BUB1B: variants seen among roughly 807,000 people sequenced by gnomAD.
The protein encoded by BUB1B is mitotic checkpoint serine/threonine-protein kinase BUB1 beta.
A neutral mutation model predicts 137.7 loss-of-function variants in BUB1B; 86 were observed. The ratio of observed to expected loss-of-function variants is 0.62; its 90% confidence interval spans 0.52 to 0.75. The LOEUF (loss-of-function observed/expected upper bound fraction) is 0.75, where lower values mean the gene tolerates loss of function less well. Among genes scored for constraint, BUB1B ranks in the 30% least tolerant of loss-of-function variants. The pLI, the probability that BUB1B is intolerant of heterozygous loss-of-function variation, is 0.00. For missense variants in BUB1B, 1,130 were observed against 1,236.9 expected (o/e 0.91, Z 1.30); for synonymous variants, 420 against 417.9 (o/e 1.00, Z -0.06).
rs1326332876 is a variant in BUB1B, at chr15:40,176,692, T to A, written c.581+19T>A. 6.2e-7 allele frequency: 1 copy of A among 1,609,574 alleles called. No homozygotes were observed. The highest frequency in any genetic ancestry group is 2.2e-5 in the East Asian group (1 of 44,834). On this transcript the variant is annotated intron_variant, in intron 5 of 22. Coordinates refer to ENST00000287598, the MANE Select transcript of BUB1B (RefSeq NM_001211.6). ...AGCACCGGTAAACTTTCTTTGGAGC[T>A]TGTCTTAACTCTAAAAATAATAGAA...
chr15:40,162,990 G>A (rs1487820574), intron 1 of BUB1B, among the ~76,000 whole-genome samples: 6 of 152,132 alleles, frequency 3.9e-5, no homozygotes, highest in Admixed American at 2.6e-4. Context: ...TCAATTCATT[G>A]CGGGGCTGCT....
rs899991548 is a variant in BUB1B at position 40,205,251 on chromosome 15, AT to A, written c.1735-923del. ...CGTGAGCCACTGCACCCGGCCTATA[AT>A]TTTTTTTTTAACTATACTTTGTTTC... On this transcript the variant is annotated intron_variant, in intron 14 of 22. Transcript: ENST00000287598. Among the ~76,000 whole-genome samples the A allele has an allele frequency of 1.4e-3, 206 of 150,292 alleles. 1 individual carries two copies. The highest frequency in any genetic ancestry group is 4.9e-3 in the African/African-American group (202 of 41,118).
intron 8 of BUB1B, among the ~76,000 whole-genome samples, chr15:40,189,240 A>G (rs1309301018): frequency 6.6e-6 from 1 of 152,070 alleles, no homozygotes; most frequent in East Asian, 1.9e-4. Context: ...GCTCACTGCA[A>G]CCTTCGCCTC....
rs2037224613 is a variant in BUB1B at position 40,176,467 on chromosome 15, T to G, written c.385-10T>G. 2.5e-6 allele frequency: 4 copies of G among 1,614,034 alleles called. No individual in the cohort carries two copies. Among genetic ancestry groups the G allele is most frequent in the Non-Finnish European group, 3.4e-6 (4 of 1,179,900 alleles). On this transcript the variant is annotated splice_polypyrimidine_tract_variant and intron_variant, in intron 4 of 22. Transcript: ENST00000287598. ...TAGAAATTGGTTAACTGTTAACACT[T>G]CTGTTACAGGGGCGTTTATGCAATG...
In BUB1B at chr15:40,215,517, C is replaced by T. The variant is rs1021726655; in HGVS notation, c.2679-1979C>T. On this transcript the variant is annotated intron_variant, in intron 20 of 22. Coordinates refer to ENST00000287598, the MANE Select transcript of BUB1B (RefSeq NM_001211.6). ...GGGCGCAGTAGCTCACGCCTGTAAT[C>T]CCAGCATTTTGGGAGGCCGAGGCGG... Among the ~76,000 whole-genome samples the T allele has an allele frequency of 3.3e-5, 5 of 152,248 alleles. No homozygotes were observed. In the East Asian group the frequency reaches 9.7e-4, roughly 29 times the overall value.
chr15:40,213,562 G>GTC (rs2140908302), intron 20 of BUB1B, 88 bp downstream of exon 20: 1 of 1,409,000 alleles, frequency 7.1e-7, no homozygotes, highest in East Asian at 2.3e-5. Flanking sequence ...TGAGGCGAGG[G>GTC]TCTCACTCTG....
chr15:40,194,248 C>T (rs1040967502), intron 8 of BUB1B, among the ~76,000 whole-genome samples: 1 of 151,994 alleles, frequency 6.6e-6, no homozygotes, highest in Non-Finnish European at 1.5e-5. Context: ...TTGATGAACT[C>T]GTTTGTTATC....
At chr15:40,209,598 T>C (rs752308885) in intron 16 of BUB1B, 37 bp from the exon 17 acceptor site, 1 of 1,613,722 alleles carries the variant, frequency 6.2e-7, no homozygotes, top group South Asian at 1.1e-5. Flanking sequence ...TAGGGTTTTT[T>C]TGGTGATATA....
At chr15:40,209,592 G>GT (rs766368399) in intron 16 of BUB1B, 43 bp from the exon 17 acceptor site, 16 of 1,612,692 alleles carry the variant, frequency 9.9e-6, no homozygotes, top group East Asian at 4.5e-5. Context: ...AAGCATTAGG[G>GT]TTTTTTTGGT....
At chr15:40,161,386 C>T (rs1360404192) in intron 1 of BUB1B, 131 bp downstream of exon 1, 2 of 1,084,514 alleles carry the variant, frequency 1.8e-6, no homozygotes, top group Non-Finnish European at 2.5e-6. Context: ...GAGCCTCCTT[C>T]CTTTTGGAGT....
chr15:40,181,907 A>G (rs1410472360), intron 5 of BUB1B, among the ~76,000 whole-genome samples: 1 of 152,200 alleles, frequency 6.6e-6, no homozygotes, highest in Non-Finnish European at 1.5e-5. Context: ...TATATTAGGT[A>G]CTTTAAAATC....
At chr15:40,194,699 A>C (rs1309108012) in intron 8 of BUB1B, among the ~76,000 whole-genome samples, 1 of 152,184 alleles carries the variant, frequency 6.6e-6, no homozygotes, top group African/African-American at 2.4e-5. Context: ...ATTCTTTTAA[A>C]AGCTATGCTG....
chr15:40,185,256 GGCTTCTACA>G lies in BUB1B; in HGVS notation c.846_854del (p.Ser283_Ala285del). 6.2e-7 allele frequency: 1 copy of G among 1,613,956 alleles called. No individual in the cohort carries two copies. The highest frequency in any genetic ancestry group is 8.5e-7 in the Non-Finnish European group (1 of 1,179,886). On this transcript the variant is annotated inframe_deletion, in exon 7 of 23. Coordinates refer to ENST00000287598, the MANE Select transcript of BUB1B (RefSeq NM_001211.6). ...CTGTTTTTGATGAAAATGCTGATGA[GGCTTCTACA>G]GCAGAGTTGTCTAAGCCTACAGTCC...
At chr15:40,167,042 G>C (rs1207977618) in intron 2 of BUB1B, among the ~76,000 whole-genome samples, 1 of 151,904 alleles carries the variant, frequency 6.6e-6, no homozygotes, top group African/African-American at 2.4e-5. Flanking sequence ...TCAAGTTTCA[G>C]GAGCATAGAT....
chr15:40,220,431 T>C, intron 22 of BUB1B, 133 bp from the exon 23 acceptor site: 1 of 886,972 alleles, frequency 1.1e-6, no homozygotes, highest in Non-Finnish European at 1.7e-6. Context: ...ACTATTTGAA[T>C]GATCTCTAAC....
chr15:40,184,094 A>G (rs990111365), intron 6 of BUB1B, among the ~76,000 whole-genome samples: 1 of 152,184 alleles, frequency 6.6e-6, no homozygotes, highest in African/African-American at 2.4e-5. Context: ...AAGACCTAAC[A>G]TTTAGGAAGC....
Position 40,199,717 on chromosome 15 carries a change from C to G in BUB1B, c.1391C>G (p.Thr464Arg). 1.9e-6 allele frequency: 3 copies of G among 1,611,090 alleles called. No individual in the cohort carries two copies. The highest frequency in any genetic ancestry group is 2.5e-6 in the Non-Finnish European group (3 of 1,177,364). Residue 464 changes from threonine to arginine, a missense_variant, in exon 10 of 23, where the codon ACA becomes AGA. Transcript: ENST00000287598. ...KEIQTTQQER[T>R]GDQQEETMPT... Reference sequence around the variant, plus strand: ...ATCCAAACTACTCAGCAAGAAAGAACAGGTGATCAGGTAATTTTTCTTTTT... The same window carrying G: ...ATCCAAACTACTCAGCAAGAAAGAAGAGGTGATCAGGTAATTTTTCTTTTT...
At chr15:40,196,225 C>T (rs748819201) in intron 8 of BUB1B, among the ~76,000 whole-genome samples, 38 of 152,252 alleles carry the variant, frequency 2.5e-4, no homozygotes, top group Middle Eastern at 3.4e-3. Flanking sequence ...TATCCCAGCA[C>T]CATTTGTTGA....
chr15:40,181,078 A>T (rs1595517163), intron 5 of BUB1B, among the ~76,000 whole-genome samples: 1 of 144,942 alleles, frequency 6.9e-6, no homozygotes, highest in Non-Finnish European at 1.5e-5. Context: ...TTTGATTGTG[A>T]TGTGTCTAGA....
Sources: gnomAD v4.1 joint callset for allele counts (sites outside exome capture counted in the v4.1 genomes callset) on GRCh38, gnomAD v4.1.1 for gene constraint, MANE v1.5 for transcripts, NCBI Gene and HGNC (gene_info 2026-07-23, HGNC 2026-07-21) for gene names.